PHF21A: variants seen among roughly 807,000 people sequenced by gnomAD.
The protein encoded by PHF21A is PHD finger protein 21A.
PHF21A carries 11 observed loss-of-function variants against 82.5 expected under a neutral mutation model. The ratio of observed to expected loss-of-function variants is 0.13; its 90% CI spans 0.08 to 0.22. The LOEUF is 0.22. Ranked by LOEUF, PHF21A falls within the 10% of genes least tolerant of loss-of-function variation. The pLI is 1.00. For synonymous variants in PHF21A, 297 were observed against 302.8 expected (o/e 0.98, Z 0.20); for missense variants, 579 against 837.8 (o/e 0.69, Z 3.81).
intron 6 of PHF21A, among the ~76,000 whole-genome samples, chr11:46,019,673 T>A (rs1232023074): frequency 6.6e-6 from 1 of 152,250 alleles, no homozygotes; most frequent in East Asian, 1.9e-4. Context: ...TCAGACGGCA[T>A]TCCAATCTTA....
intron 1 of PHF21A, chr11:46,119,965 G>A (rs1337629075): frequency 6.8e-6 from 1 of 146,282 alleles, no homozygotes; most frequent in Non-Finnish European, 1.5e-5. Flanking sequence ...TCGGGGTCCC[G>A]GGGGCGCCCC....
In PHF21A at chr11:45,935,660, C is replaced by G. The variant is rs1288046122; in HGVS notation, c.1764G>C (p.Val588=). The G allele has an allele frequency of 1.1e-5, 16 of 1,511,454 alleles. No homozygotes were observed. The highest frequency in any genetic ancestry group is 1.5e-5 in the Non-Finnish European group (16 of 1,096,040). The allele number at this position is 1,511,454 out of a possible 1,614,324, so 93.6% of individuals were successfully genotyped here. The change falls in exon 18 of 19, where the codon GTG becomes GTC. Residue 588 remains valine, a synonymous_variant. Coordinates refer to ENST00000676320, the MANE Select transcript of PHF21A (RefSeq NM_001352027.3). The part of the protein sequence containing the change: ...KQEREQLEQK[V]KQLSNSISKC... ...CACTTATGGAATTGCTGAGCTGTTTCACCTTTTGCTCTAGTTGTTCTCGTT... is the reference window on the plus strand; with the variant it reads ...CACTTATGGAATTGCTGAGCTGTTTGACCTTTTGCTCTAGTTGTTCTCGTT...
intron 10 of PHF21A, among the ~76,000 whole-genome samples, chr11:45,957,751 C>CAAAAAAAAAAAAAAAAAA: frequency 4.4e-4 from 27 of 60,860 alleles, no homozygotes; most frequent in African/African-American, 4.8e-4. Context: ...AAATTCAAAG[C>CAAAAAAAAAAAAAAAAAA]AAAAAAAAAA....
rs151237777 is a variant in PHF21A at position 45,976,223 on chromosome 11, C to T, written c.360+3537G>A. Among the ~76,000 whole-genome samples the T allele has an allele frequency of 2.2e-4, 33 of 152,310 alleles. 1 individual carries two copies. The East Asian group carries it at 4.6e-3, about 21-fold the overall frequency. Reference sequence around the variant, plus strand: ...TACTTGTGAAGCTCTTTCCCCTTTGCTCTATCACTAAAATCCCATTCATCT... The same window carrying T: ...TACTTGTGAAGCTCTTTCCCCTTTGTTCTATCACTAAAATCCCATTCATCT... On this transcript the variant is annotated intron_variant, in intron 7 of 18. Coordinates refer to ENST00000676320, the MANE Select transcript of PHF21A (RefSeq NM_001352027.3).
Position 46,076,645 on chromosome 11 carries a change from AC to A in PHF21A, c.153+108del, listed in dbSNP as rs939718860. On this transcript the variant is annotated intron_variant, in intron 6 of 18. Coordinates refer to ENST00000676320, the MANE Select transcript of PHF21A (RefSeq NM_001352027.3). The stretch of plus-strand genomic sequence containing the variant: ...AAATTAAAACCAAGTCTGGCTGCCC[AC>A]ACTTATTTTCACACATGAGGAAAAA... 13 of 821,432 alleles carry A rather than the reference AC, an allele frequency of 1.6e-5. No individual in the cohort carries two copies. In the Admixed American group the frequency reaches 2.5e-4, roughly 16 times the overall value. The allele number at this position is 821,432 out of a possible 1,614,324, so 50.9% of individuals were successfully genotyped here.
intron 10 of PHF21A, among the ~76,000 whole-genome samples, chr11:45,957,751 C>CAAAAAAAAAAAAAAAAAAAAAAAAAAAA: frequency 1.3e-4 from 8 of 60,910 alleles, no homozygotes; most frequent in Admixed American, 1.8e-4. Context: ...AAATTCAAAG[C>CAAAAAAAAAAAAAAAAAAAAAAAAAAAA]AAAAAAAAAA....
intron 6 of PHF21A, among the ~76,000 whole-genome samples, chr11:46,044,657 A>G (rs557747669): frequency 6.6e-6 from 1 of 152,308 alleles, no homozygotes; most frequent in East Asian, 1.9e-4. Context: ...TTTCACTCAT[A>G]AACATTCTCA....
intron 1 of PHF21A, 145 bp from the exon 2 acceptor site, chr11:46,092,368 A>G (rs933701360): frequency 6.6e-6 from 1 of 152,212 alleles, no homozygotes; most frequent in Non-Finnish European, 1.5e-5. Flanking sequence ...AACCCAAAAG[A>G]AAAAAAGAAG....
intron 1 of PHF21A, among the ~76,000 whole-genome samples, chr11:46,094,391 C>A (rs1257979045): frequency 6.6e-6 from 1 of 152,178 alleles, no homozygotes; most frequent in South Asian, 2.1e-4. Context: ...CCCCAAAGGT[C>A]ACTCAGCTAG....
Position 45,938,295 on chromosome 11 carries a change from A to C in PHF21A, c.1470T>G (p.Asp490Glu), listed in dbSNP as rs757392692. The change falls in exon 16 of 19, where the codon GAT becomes GAG. Residue 490 changes from aspartate (D) to glutamate (E), a missense_variant. Transcript: ENST00000676320. ...CACTTTTTCTGCAAACGCTGCAAAA[A>C]TCCTCATGAATATCACCCTATAAAG... ...PTSTDGDIHE[D>E]FCSVCRKSGQ... 1 of 1,611,122 alleles carries C rather than the reference A, an allele frequency of 6.2e-7. No individual in the cohort carries two copies. Among genetic ancestry groups the C allele is most frequent in the Admixed American group, 1.7e-5 (1 of 59,514 alleles).
Position 46,055,126 on chromosome 11 carries a change from C to T in PHF21A, c.153+21628G>A, listed in dbSNP as rs567497572. On this transcript the variant is annotated intron_variant, in intron 6 of 18. Coordinates refer to ENST00000676320, the MANE Select transcript of PHF21A (RefSeq NM_001352027.3). The stretch of plus-strand genomic sequence containing the variant: ...TCCATTTTGGACTTTTAAATTATGG[C>T]GAGAACTTAAGATACTTTGAAGCAA... Among the ~76,000 whole-genome samples, 22 of 152,130 alleles carry T rather than the reference C, an allele frequency of 1.4e-4. No homozygotes were observed. The South Asian group carries it at 3.9e-3, about 27-fold the overall frequency.
At chr11:46,070,269 T>C (rs1231465090) in intron 6 of PHF21A, among the ~76,000 whole-genome samples, 2 of 152,198 alleles carry the variant, frequency 1.3e-5, no homozygotes, top group African/African-American at 4.8e-5. Context: ...AAGATGAACT[T>C]ACTAAACCCA....
At chr11:46,099,523 G>GACACACAC (rs71038882) in intron 1 of PHF21A, among the ~76,000 whole-genome samples, 15,533 of 137,516 alleles carry the variant, frequency 0.11, 1,041 homozygotes, top group Non-Finnish European at 0.15. Context: ...AGAAAAATTA[G>GACACACAC]ACACACACAC....
chr11:45,951,668 G>A lies in PHF21A; in HGVS notation c.1096-1411C>T, dbSNP rs537561922. On this transcript the variant is annotated intron_variant, in intron 11 of 18. Transcript: ENST00000676320. Reference sequence around the variant, plus strand: ...TTGTTCTTTTGATGAAGCAGTGTGTGGACTGATATTCAGATGCACCCTCTT... The same window carrying A: ...TTGTTCTTTTGATGAAGCAGTGTGTAGACTGATATTCAGATGCACCCTCTT... Among the ~76,000 whole-genome samples the A allele has an allele frequency of 1.4e-4, 22 of 152,182 alleles. No individual in the cohort carries two copies. In the South Asian group the frequency reaches 2.3e-3, roughly 16 times the overall value.
chr11:45,947,439 G>A (rs1033657331), intron 14 of PHF21A, among the ~76,000 whole-genome samples: 2 of 152,188 alleles, frequency 1.3e-5, no homozygotes, highest in Non-Finnish European at 2.9e-5. Flanking sequence ...GATTCTGTCA[G>A]ATGTTACAAA....
At chr11:45,997,952 A>T (rs1264233356) in intron 6 of PHF21A, among the ~76,000 whole-genome samples, 1 of 152,202 alleles carries the variant, frequency 6.6e-6, no homozygotes, top group East Asian at 1.9e-4. Flanking sequence ...CCCATGTGCA[A>T]ACAGGTCACC....
At chr11:45,957,751 C>CAAAAAAAAAAAAAAAAAG (rs2092750679) in intron 10 of PHF21A, among the ~76,000 whole-genome samples, 8 of 60,902 alleles carry the variant, frequency 1.3e-4, no homozygotes, top group South Asian at 6.6e-4. Flanking sequence ...AAATTCAAAG[C>CAAAAAAAAAAAAAAAAAG]AAAAAAAAAA....
At chr11:45,998,833 G>T (rs981699488) in intron 6 of PHF21A, among the ~76,000 whole-genome samples, 1 of 145,740 alleles carries the variant, frequency 6.9e-6, no homozygotes, top group Non-Finnish European at 1.5e-5. Context: ...TTTTGTTTTT[G>T]TTTTTTTTTG....
chr11:45,968,369 G>A (rs1010216616), intron 9 of PHF21A, among the ~76,000 whole-genome samples: 3 of 152,210 alleles, frequency 2.0e-5, no homozygotes, highest in Admixed American at 6.5e-5. Context: ...TCTGGCCCTA[G>A]TGGACTTCTC....
Sources: allele counts gnomAD v4.1 joint callset (sites outside exome capture counted in the v4.1 genomes callset), GRCh38; gene constraint gnomAD v4.1.1; transcripts MANE v1.5; gene names NCBI Gene and HGNC (gene_info 2026-07-23, HGNC 2026-07-21).